The following RUNX1 variants were observed in gnomAD, a reference collection of about 807,000 sequenced individuals.
The protein encoded by RUNX1 is RUNX family transcription factor 1.
A neutral mutation model predicts 42.8 loss-of-function variants in RUNX1; 19 were observed. The observed-to-expected ratio is 0.44, with a 90% confidence interval of 0.31 to 0.65. The LOEUF (loss-of-function observed/expected upper bound fraction) is 0.65. Ranked by LOEUF, RUNX1 falls within the 30% of genes least tolerant of loss-of-function variation. The pLI is 0.07. For missense variants in RUNX1, 528 were observed against 672.0 expected, an observed-to-expected ratio of 0.79 and a Z score of 2.37; for synonymous variants, 271 against 289.4, an observed-to-expected ratio of 0.94 and a Z score of 0.64.
At chr21:35,013,852 A>G (rs1393261270) in intron 2 of RUNX1, among the ~76,000 whole-genome samples, 3 of 152,382 alleles carry the variant, frequency 2.0e-5, no homozygotes, top group African/African-American at 4.8e-5. Flanking sequence ...AAGGCCATTT[A>G]AGTAAACTAC....
intron 6 of RUNX1, among the ~76,000 whole-genome samples, chr21:34,850,266 G>T (rs961923337): frequency 6.6e-6 from 1 of 152,162 alleles, no homozygotes; most frequent in African/African-American, 2.4e-5. Context: ...GACCATCTCA[G>T]ACTGGGGCTG....
At chr21:34,840,033 G>A (rs1037150634) in intron 6 of RUNX1, among the ~76,000 whole-genome samples, 1 of 152,122 alleles carries the variant, frequency 6.6e-6, no homozygotes. Flanking sequence ...ACTCTGCCCT[G>A]CAGATAGGCC....
chr21:35,011,006 G>A lies in RUNX1; in HGVS notation c.58+37836C>T, dbSNP rs150085961. 1.3e-3 allele frequency among the ~76,000 whole-genome samples: 192 copies of A among 152,286 alleles called. 3 individuals are homozygous for A. The highest frequency in any genetic ancestry group is 2.5e-3 in the Admixed American group (38 of 15,298). ...CAGTGACTGAGAATTACTATATTTT[G>A]TAAGTGAAGATACCACTACCAAAAT... On this transcript the variant is annotated intron_variant, in intron 2 of 8. Coordinates refer to ENST00000675419, the MANE Select transcript of RUNX1 (RefSeq NM_001754.5).
intron 2 of RUNX1, among the ~76,000 whole-genome samples, chr21:35,047,541 A>ACTCT: frequency 3.0e-5 from 4 of 132,550 alleles, no homozygotes; most frequent in Non-Finnish European, 4.8e-5. Context: ...ACACACACAC[A>ACTCT]CACACACACA....
At chr21:35,029,403 A>G (rs1239424629) in intron 2 of RUNX1, among the ~76,000 whole-genome samples, 1 of 152,062 alleles carries the variant, frequency 6.6e-6, no homozygotes, top group African/African-American at 2.4e-5. Context: ...AATTTTTGTT[A>G]TCTAAACTCT....
intron 2 of RUNX1, among the ~76,000 whole-genome samples, chr21:34,938,086 T>C (rs897950223): frequency 7.9e-5 from 12 of 152,218 alleles, no homozygotes; most frequent in African/African-American, 2.7e-4. Flanking sequence ...TTTTGATTAA[T>C]AGGAGCAATT....
intron 2 of RUNX1, among the ~76,000 whole-genome samples, chr21:35,018,427 C>T (rs2059175056): frequency 6.6e-6 from 1 of 152,288 alleles, no homozygotes; most frequent in East Asian, 1.9e-4. Context: ...CCTGCCAACA[C>T]TTTGATCCCA....
Position 34,886,960 on chromosome 21 carries a change from C to G in RUNX1, c.234G>C (p.Met78Ile). The change falls in exon 4 of 9, where the codon ATG becomes ATC. Residue 78 changes from methionine (M) to isoleucine (I), a missense_variant. Coordinates refer to ENST00000675419, the MANE Select transcript of RUNX1 (RefSeq NM_001754.5). Reference protein sequence around the residue: ...AGKLRSGDRSMVEVLADHPGE... With the variant: ...AGKLRSGDRSIVEVLADHPGE... ...CCGGGTGGTCGGCCAGCACCTCCAC[C>G]ATGCTGCGGTCGCCGCTCCTCAGCT... is the stretch of plus-strand genomic sequence containing the variant. 1 of 1,611,974 alleles carries G rather than the reference C, an allele frequency of 6.2e-7. No homozygotes were observed. The highest frequency in any genetic ancestry group is 8.5e-7 in the Non-Finnish European group (1 of 1,179,532).
chr21:34,897,411 T>C (rs917934837), intron 2 of RUNX1, among the ~76,000 whole-genome samples: 1 of 152,252 alleles, frequency 6.6e-6, no homozygotes, highest in Non-Finnish European at 1.5e-5. Context: ...GCAAGGTCTT[T>C]AGCACAGTTC....
At chr21:35,020,927 A>G (rs1044174576) in intron 2 of RUNX1, among the ~76,000 whole-genome samples, 3 of 152,200 alleles carry the variant, frequency 2.0e-5, no homozygotes, top group African/African-American at 7.2e-5. Flanking sequence ...AAGGGGAATG[A>G]GGTCCCCACA....
rs775128266 is a variant in RUNX1 at position 34,799,373 on chromosome 21, C to T, written c.895G>A (p.Ala299Thr). Reference sequence around the variant, plus strand: ...GCACGTCCAGGTGAAATGGGCGTTGCTGGGTGCACAGAAGGAGAGGCAATG... The same window carrying T: ...GCACGTCCAGGTGAAATGGGCGTTGTTGGGTGCACAGAAGGAGAGGCAATG... The part of the protein sequence containing the change: ...GSIASPSVHP[A>T]TPISPGRASG... Residue 299 changes from alanine to threonine, a missense_variant, in exon 8 of 9, where the codon GCA becomes ACA. This residue lies in a region of RUNX1 where 331 missense variants were observed against 382.5 expected (regional missense o/e 0.87). Transcript: ENST00000675419. 2.5e-6 allele frequency: 4 copies of T among 1,614,154 alleles called. No homozygotes were observed. The highest frequency in any genetic ancestry group is 3.4e-6 in the Non-Finnish European group (4 of 1,180,028).
intron 2 of RUNX1, among the ~76,000 whole-genome samples, chr21:35,025,234 T>A (rs906194140): frequency 2.6e-5 from 4 of 152,246 alleles, no homozygotes; most frequent in African/African-American, 9.6e-5. Context: ...TATGACAGTT[T>A]ATAAATGAGA....
intron 7 of RUNX1, among the ~76,000 whole-genome samples, chr21:34,811,202 C>T (rs1235644251): frequency 1.3e-5 from 2 of 152,204 alleles, no homozygotes; most frequent in Non-Finnish European, 2.9e-5. Context: ...TCCATGCTCC[C>T]AATTTGAAGG....
chr21:35,034,929 C>T (rs1322589248), intron 2 of RUNX1, among the ~76,000 whole-genome samples: 1 of 152,182 alleles, frequency 6.6e-6, no homozygotes, highest in Non-Finnish European at 1.5e-5. Flanking sequence ...TGAGTCTGTT[C>T]CTGTTATACT....
At chr21:35,040,641 A>G (rs2059350525) in intron 2 of RUNX1, among the ~76,000 whole-genome samples, 1 of 151,772 alleles carries the variant, frequency 6.6e-6, no homozygotes, top group Non-Finnish European at 1.5e-5. Context: ...GCGTGGTGGC[A>G]CACACCTGTA....
chr21:34,841,308 C>T (rs1365453696), intron 6 of RUNX1, among the ~76,000 whole-genome samples: 1 of 152,094 alleles, frequency 6.6e-6, no homozygotes, highest in African/African-American at 2.4e-5. Context: ...CTTTTACCCA[C>T]TCAGCGATTT....
At chr21:34,827,415 A>C (rs1325016429) in intron 7 of RUNX1, among the ~76,000 whole-genome samples, 2 of 152,236 alleles carry the variant, frequency 1.3e-5, no homozygotes, top group Non-Finnish European at 2.9e-5. Context: ...CCATGTAAAG[A>C]GTGAAAGTGT....
At chr21:34,973,340 A>G (rs939638070) in intron 2 of RUNX1, among the ~76,000 whole-genome samples, 16 of 152,246 alleles carry the variant, frequency 1.1e-4, no homozygotes, top group African/African-American at 3.1e-4. Flanking sequence ...TGAATGGAGA[A>G]GAACGAGGGA....
intron 2 of RUNX1, among the ~76,000 whole-genome samples, chr21:34,894,137 C>T (rs1361946240): frequency 6.6e-6 from 1 of 152,136 alleles, no homozygotes; most frequent in Non-Finnish European, 1.5e-5. Flanking sequence ...TACGTCAGCT[C>T]AGCTTTAATA....
Sources: allele counts gnomAD v4.1 joint callset (sites outside exome capture counted in the v4.1 genomes callset), GRCh38; gene constraint gnomAD v4.1.1; regional missense constraint gnomAD v4.1.1; transcripts MANE v1.5; gene names NCBI Gene and HGNC (gene_info 2026-07-23, HGNC 2026-07-21).